Variants in RNF150 observed in about 807,000 individuals in gnomAD.
The protein encoded by RNF150 is ring finger protein 150.
A neutral mutation model predicts 39.3 loss-of-function variants in RNF150; 24 were observed. The ratio of observed to expected loss-of-function variants is 0.61; its 90% CI spans 0.44 to 0.86. The LOEUF (loss-of-function observed/expected upper bound fraction) is 0.86, where lower values mean the gene tolerates loss of function less well. Ranked by LOEUF, RNF150 falls within the 40% of genes least tolerant of loss-of-function variation. The probability of loss-of-function intolerance (pLI) is 0.00; values close to 1 mark genes in which losing one functional copy is unlikely to be tolerated. For missense variants in RNF150, 502 were observed against 587.8 expected, an observed-to-expected ratio of 0.85 and a Z score of 1.51; for synonymous variants, 255 against 227.3, an observed-to-expected ratio of 1.12 and a Z score of -1.10.
chr4:140,875,497 G>C (rs1194220554), intron 6 of RNF150, among the ~76,000 whole-genome samples: 3 of 152,096 alleles, frequency 2.0e-5, no homozygotes, highest in African/African-American at 4.8e-5. Flanking sequence ...CTTGAGTTGA[G>C]ATTCTTAACT....
At chr4:141,172,391 T>G (rs1030573490) in intron 1 of RNF150, among the ~76,000 whole-genome samples, 1 of 152,196 alleles carries the variant, frequency 6.6e-6, no homozygotes, top group Non-Finnish European at 1.5e-5. Flanking sequence ...AGTGCGCTCT[T>G]CACAGCGAGA....
intron 1 of RNF150, among the ~76,000 whole-genome samples, chr4:141,199,760 CTA>C (rs1408005300): frequency 6.6e-6 from 1 of 152,124 alleles, no homozygotes; most frequent in Non-Finnish European, 1.5e-5. Context: ...AGAAATATGA[CTA>C]TGTTTTGTCA....
intron 1 of RNF150, among the ~76,000 whole-genome samples, chr4:141,166,621 A>C (rs1727609579): frequency 6.6e-6 from 1 of 152,216 alleles, no homozygotes; most frequent in African/African-American, 2.4e-5. Context: ...CATCCTTGGG[A>C]TGCAAGACTG....
At chr4:140,923,400 G>C (rs1731243241) in intron 5 of RNF150, among the ~76,000 whole-genome samples, 1 of 152,156 alleles carries the variant, frequency 6.6e-6, no homozygotes. Context: ...TCAGAGAAAT[G>C]CAAATCAAAA....
At chr4:141,125,561 A>G (rs981429688) in intron 1 of RNF150, among the ~76,000 whole-genome samples, 3 of 152,216 alleles carry the variant, frequency 2.0e-5, no homozygotes, top group Non-Finnish European at 4.4e-5. Flanking sequence ...GGCTATCAAA[A>G]TATTAAATTC....
At chr4:141,045,735 G>A (rs774374856) in intron 1 of RNF150, among the ~76,000 whole-genome samples, 13 of 151,956 alleles carry the variant, frequency 8.6e-5, no homozygotes, top group Middle Eastern at 3.4e-3. Context: ...GTAGAGACGG[G>A]GTTTCACCAT....
chr4:140,998,024 C>T (rs1423008208), intron 1 of RNF150, among the ~76,000 whole-genome samples: 1 of 152,156 alleles, frequency 6.6e-6, no homozygotes, highest in Non-Finnish European at 1.5e-5. Flanking sequence ...AATGCTTTCA[C>T]AGACTCCAGA....
intron 1 of RNF150, among the ~76,000 whole-genome samples, chr4:141,030,972 C>T (rs1333062892): frequency 6.6e-6 from 1 of 151,762 alleles, no homozygotes; most frequent in East Asian, 1.9e-4. Context: ...TTTTTGAGCG[C>T]AATTAAAAAA....
At chr4:141,054,577 G>A (rs1328501675) in intron 1 of RNF150, among the ~76,000 whole-genome samples, 1 of 152,038 alleles carries the variant, frequency 6.6e-6, no homozygotes, top group African/African-American at 2.4e-5. Flanking sequence ...GACCCCACAA[G>A]GGTGCTATGA....
chr4:141,000,015 AAG>A (rs1734568034), intron 1 of RNF150, among the ~76,000 whole-genome samples: 4 of 29,674 alleles, frequency 1.3e-4, no homozygotes, highest in East Asian at 6.9e-4. Context: ...GAAGAAGAAG[AAG>A]AAGAAGAAGA....
At chr4:141,013,541 C>T (rs889590734) in intron 1 of RNF150, among the ~76,000 whole-genome samples, 2 of 152,172 alleles carry the variant, frequency 1.3e-5, no homozygotes, top group Non-Finnish European at 1.5e-5. Flanking sequence ...AAGTCTTCTA[C>T]GCTATCCTCT....
chr4:141,070,278 T>G (rs371948496), intron 1 of RNF150, among the ~76,000 whole-genome samples: 2,914 of 130,048 alleles, frequency 0.022, no homozygotes, highest in African/African-American at 0.061. Context: ...CATAAAAACC[T>G]TAGAAGAAAA....
rs531451653 is a variant in RNF150, at chr4:140,922,915, A to C, written c.987+3062T>G. Reference sequence around the variant, plus strand: ...ACGGTGCTGGGAAAACTGGCTAGACATATGTAGAAAGCTGAAACTGGATCC... The same window carrying C: ...ACGGTGCTGGGAAAACTGGCTAGACCTATGTAGAAAGCTGAAACTGGATCC... On this transcript the variant is annotated intron_variant, in intron 5 of 6. Transcript: ENST00000515673. Among the ~76,000 whole-genome samples the C allele has an allele frequency of 5.2e-3, 783 of 151,088 alleles. 49 individuals carry two copies. Among genetic ancestry groups the C allele is most frequent in the African/African-American group, 0.019 (751 of 40,388 alleles).
At chr4:141,101,779 T>TTTTA (rs1207681511) in intron 1 of RNF150, among the ~76,000 whole-genome samples, 3 of 152,004 alleles carry the variant, frequency 2.0e-5, no homozygotes, top group African/African-American at 4.8e-5. Context: ...CATTATAATC[T>TTTTA]TTTATTTATT....
chr4:141,043,311 C>T (rs555082527), intron 1 of RNF150, among the ~76,000 whole-genome samples: 240 of 152,020 alleles, frequency 1.6e-3, no homozygotes, highest in African/African-American at 5.4e-3. Flanking sequence ...TCTGAATCTC[C>T]GATAAAAGCA....
chr4:140,986,266 G>C (rs942673532), intron 1 of RNF150, among the ~76,000 whole-genome samples: 1 of 151,916 alleles, frequency 6.6e-6, no homozygotes, highest in Non-Finnish European at 1.5e-5. Flanking sequence ...ACAGAATAAG[G>C]CAATTAGGTA....
chr4:141,098,938 A>G (rs1460219955), intron 1 of RNF150, among the ~76,000 whole-genome samples: 2 of 152,184 alleles, frequency 1.3e-5, no homozygotes, highest in African/African-American at 4.8e-5. Context: ...TGTTTTTAAC[A>G]ATCACGAGAA....
At chr4:140,901,106 C>G (rs562278587) in intron 6 of RNF150, among the ~76,000 whole-genome samples, 1 of 151,588 alleles carries the variant, frequency 6.6e-6, no homozygotes, top group Non-Finnish European at 1.5e-5. Context: ...AAAACAAAAA[C>G]GAAAAGCTGC....
rs1012975205 is a variant in RNF150 at position 140,939,465 on chromosome 4, A to G, written c.890+8189T>C. ...GGAAAGAAGAGAAAGAGGAAGGGTA[A>G]CACAGTGTTTACCAATAGAATCAGT... On this transcript the variant is annotated intron_variant, in intron 4 of 6. Coordinates refer to ENST00000515673, the MANE Select transcript of RNF150 (RefSeq NM_020724.2). 1.1e-4 allele frequency among the ~76,000 whole-genome samples: 17 copies of G among 152,324 alleles called. 1 individual carries two copies. The highest frequency in any genetic ancestry group is 3.8e-4 in the African/African-American group (16 of 41,578).
Sources: gnomAD v4.1 joint callset for allele counts (sites outside exome capture counted in the v4.1 genomes callset) on GRCh38, gnomAD v4.1.1 for gene constraint, MANE v1.5 for transcripts, NCBI Gene and HGNC (gene_info 2026-07-23, HGNC 2026-07-21) for gene names.